NSMCE1: variants seen among roughly 807,000 people sequenced by gnomAD.
NSMCE1 encodes NSE1 component of SMC5/6 complex, also known as non-structural maintenance of chromosomes element 1 homolog.
Under a neutral mutation model 29.6 loss-of-function variants are expected in NSMCE1, and 18 were observed. The observed-to-expected ratio is 0.61, with a 90% CI of 0.42 to 0.90. The LOEUF (loss-of-function observed/expected upper bound fraction) is 0.90. NSMCE1 is among the 40% of genes least tolerant of loss of function. NSMCE1 has a pLI of 0.00. For synonymous variants in NSMCE1, 124 were observed against 133.4 expected (o/e 0.93, Z 0.49); for missense variants, 314 against 343.6 (o/e 0.91, Z 0.68).
At chr16:27,259,971 A>C (rs1023556874) in intron 1 of NSMCE1, among the ~76,000 whole-genome samples, 2 of 152,160 alleles carry the variant, frequency 1.3e-5, no homozygotes, top group Non-Finnish European at 2.9e-5. Flanking sequence ...ACAACAAAAA[A>C]CTGAAAGAGC....
chr16:27,232,058 TA>T lies in NSMCE1; in HGVS notation c.483+942del, dbSNP rs1257404804. ...TCAGGTTCCTGGGACAGGCCCACCC[TA>T]AATAGAAATCAGTAACTCAGAACAC... is the stretch of plus-strand genomic sequence containing the variant. On this transcript the variant is annotated intron_variant, in intron 5 of 7. Coordinates refer to ENST00000361439, the MANE Select transcript of NSMCE1 (RefSeq NM_145080.4). This position sits in a 1 kb window ranked among gnomAD's most constrained non-coding sequence, Gnocchi z 4.5. Among the ~76,000 whole-genome samples the T allele has an allele frequency of 1.3e-5, 2 of 152,126 alleles. No individual in the cohort carries two copies. The highest frequency in any genetic ancestry group is 2.9e-5 in the Non-Finnish European group (2 of 68,012).
chr16:27,227,252 C>T (rs1371662894), intron 5 of NSMCE1, among the ~76,000 whole-genome samples: 1 of 152,242 alleles, frequency 6.6e-6, no homozygotes, highest in African/African-American at 2.4e-5. Context: ...CAAAAAGCAG[C>T]ATCCCTGGTG....
At chr16:27,252,978 G>A (rs536740809) in intron 2 of NSMCE1, among the ~76,000 whole-genome samples, 134 of 152,040 alleles carry the variant, frequency 8.8e-4, no homozygotes, top group African/African-American at 2.9e-3. Flanking sequence ...GAAGAGCTTC[G>A]GGTTATTAAA....
At chr16:27,251,189 TAA>T (rs61518319) in intron 2 of NSMCE1, among the ~76,000 whole-genome samples, 955 of 58,598 alleles carry the variant, frequency 0.016, 26 homozygotes, top group African/African-American at 0.08. Flanking sequence ...TATATATATA[TAA>T]ATATATATAT....
At chr16:27,252,452 T>TA (rs949688232) in intron 2 of NSMCE1, among the ~76,000 whole-genome samples, 3 of 152,072 alleles carry the variant, frequency 2.0e-5, no homozygotes, top group African/African-American at 7.2e-5. Context: ...TTATTTTTCT[T>TA]AGAGTGTGCC....
intron 2 of NSMCE1, 40 bp downstream of exon 2, chr16:27,257,395 C>A (rs777845177): frequency 3.2e-6 from 5 of 1,570,078 alleles, no homozygotes; most frequent in Non-Finnish European, 4.3e-6. Flanking sequence ...CTGATCAACA[C>A]AGCACCAGAG....
At chr16:27,261,038 G>A (rs2084150641) in intron 1 of NSMCE1, among the ~76,000 whole-genome samples, 1 of 151,112 alleles carries the variant, frequency 6.6e-6, no homozygotes, top group African/African-American at 2.4e-5. Context: ...ATGGTGGTGC[G>A]TGCCTATAGT....
intron 2 of NSMCE1, among the ~76,000 whole-genome samples, chr16:27,246,064 G>A (rs548370727): frequency 7.2e-5 from 11 of 152,286 alleles, no homozygotes; most frequent in African/African-American, 2.2e-4. Flanking sequence ...AGCAGATACA[G>A]GCATGTCAAT....
chr16:27,226,084 C>T (rs1192873398), intron 6 of NSMCE1: 8 of 402,834 alleles, frequency 2.0e-5, no homozygotes, highest in South Asian at 5.8e-5. Context: ...TGACAGAAGC[C>T]GAGGGCTCCC....
In NSMCE1 at chr16:27,225,845, C is replaced by G. The variant is rs1456781249; in HGVS notation, c.602G>C (p.Gly201Ala). Residue 201 changes from glycine (G) to alanine (A), a missense_variant and splice_region_variant, in exon 7 of 8, where the codon GGT becomes GCT. Physicochemically the swap from Gly to Ala is moderately conservative, Grantham distance 60. Coordinates refer to ENST00000361439, the MANE Select transcript of NSMCE1 (RefSeq NM_145080.4). ...GATCCCACAGGTTTCGCAGCTTTGACCCTGAAACAGGAAAGGCCAATGACG... is the reference window on the plus strand; with the variant it reads ...GATCCCACAGGTTTCGCAGCTTTGAGCCTGAAACAGGAAAGGCCAATGACG... ...CNICHSLLIQ[G>A]QSCETCGIRM... is the part of the protein sequence containing the mutation. 1.2e-6 allele frequency: 2 copies of G among 1,613,926 alleles called. No homozygotes were observed. The highest frequency in any genetic ancestry group is 1.7e-6 in the Non-Finnish European group (2 of 1,179,996).
At chr16:27,267,986 G>GC (rs998079455) in intron 1 of NSMCE1, among the ~76,000 whole-genome samples, 2 of 151,926 alleles carry the variant, frequency 1.3e-5, no homozygotes, top group African/African-American at 4.8e-5. Context: ...CAGGTGATCC[G>GC]CCCCCCTCAG....
At chr16:27,267,122 C>T (rs1024159196) in intron 1 of NSMCE1, among the ~76,000 whole-genome samples, 8 of 151,896 alleles carry the variant, frequency 5.3e-5, no homozygotes, top group African/African-American at 7.3e-5. Context: ...AAAACCTTTT[C>T]GAAGGCTTTT....
rs114358963 is a variant in NSMCE1 at position 27,246,209 on chromosome 16, G to A, written c.137-10910C>T. 5.1e-3 allele frequency among the ~76,000 whole-genome samples: 773 copies of A among 152,244 alleles called. 8 individuals are homozygous for A. Among genetic ancestry groups the A allele is most frequent in the African/African-American group, 0.017 (717 of 41,550 alleles). The stretch of plus-strand genomic sequence containing the variant: ...TTTGACACATGTATTTCAGCGACCT[G>A]GTTTTTGCCCAAACATCAAATTATT... On this transcript the variant is annotated intron_variant, in intron 2 of 7. Coordinates refer to ENST00000361439, the MANE Select transcript of NSMCE1 (RefSeq NM_145080.4).
intron 3 of NSMCE1, 34 bp from the exon 4 acceptor site, chr16:27,234,299 G>C: frequency 6.9e-7 from 1 of 1,459,288 alleles, no homozygotes; most frequent in African/African-American, 1.4e-5. Context: ...GTCAGGCTGT[G>C]CTCTTTGCGT....
intron 4 of NSMCE1, 43 bp downstream of exon 4, chr16:27,234,145 A>G (rs1567274068): frequency 1.5e-6 from 2 of 1,336,850 alleles, no homozygotes; most frequent in Non-Finnish European, 1.1e-6. Context: ...GAACTTTCCC[A>G]TAAGAAGCCC....
chr16:27,265,354 A>C (rs1160449629), intron 1 of NSMCE1, among the ~76,000 whole-genome samples: 1 of 151,712 alleles, frequency 6.6e-6, no homozygotes, highest in Non-Finnish European at 1.5e-5. Context: ...TTTTTTGTAG[A>C]GATGGGGTCT....
In NSMCE1 at chr16:27,228,371, G is replaced by A. The variant is rs2083725567; in HGVS notation, c.484-1535C>T. On this transcript the variant is annotated intron_variant, in intron 5 of 7. Transcript: ENST00000361439. ...GGCTTTGTGTCATCCAAGTGCTGTG[G>A]GCAATGGGAGGATGTGACCAGCCCC... 2.0e-5 allele frequency among the ~76,000 whole-genome samples: 3 copies of A among 152,024 alleles called. No homozygotes were observed. In the South Asian group the frequency reaches 6.2e-4, roughly 32 times the overall value.
chr16:27,264,447 T>C (rs954677697), intron 1 of NSMCE1, among the ~76,000 whole-genome samples: 4 of 151,972 alleles, frequency 2.6e-5, no homozygotes, highest in African/African-American at 2.4e-5. Flanking sequence ...GGTACAGAGA[T>C]AGACAAATAA....
chr16:27,236,357 C>G (rs113002199), intron 2 of NSMCE1, among the ~76,000 whole-genome samples: 1 of 146,966 alleles, frequency 6.8e-6, no homozygotes, highest in Non-Finnish European at 1.5e-5. Flanking sequence ...AGTGCAGTAG[C>G]ACAGTCTTGG....
Sources: gnomAD v4.1 joint callset for allele counts (sites outside exome capture counted in the v4.1 genomes callset) on GRCh38, gnomAD v4.1.1 for gene constraint, Gnocchi (gnomAD v3.1) non-coding constraint, MANE v1.5 for transcripts, NCBI Gene and HGNC (gene_info 2026-07-23, HGNC 2026-07-21) for gene names.